Variants in MID1 observed in about 807,000 individuals in gnomAD.
MID1 encodes E3 ubiquitin-protein ligase Midline-1.
A neutral mutation model predicts 40.4 loss-of-function variants in MID1; 7 were observed. That is an observed-to-expected ratio of 0.17 (90% confidence interval 0.10 to 0.33). The LOEUF is 0.33. Ranked by LOEUF, MID1 falls within the 10% of genes least tolerant of loss-of-function variation. MID1 has a pLI of 1.00. For synonymous variants in MID1, 229 were observed against 221.2 expected (o/e 1.04, Z -0.31); for missense variants, 367 against 558.5 (o/e 0.66, Z 3.46).
chrX:10,777,635 G>A (rs1487032603), intron 1 of MID1, among the ~76,000 whole-genome samples: 1 of 107,971 alleles, frequency 9.3e-6, no homozygotes, highest in East Asian at 2.9e-4. Context: ...CCACCTCCCA[G>A]GTTCAAGTGA....
In MID1 at chrX:10,449,190, CTT is replaced by C. The variant is rs1928172243; in HGVS notation, c.*176_*177del. Reference sequence around the variant, plus strand: ...ATTAAAGAAATTATTAAAGCCCGTACTTAATACAAGACACAGTAAAAGGAGAG... The same window carrying C: ...ATTAAAGAAATTATTAAAGCCCGTACAATACAAGACACAGTAAAAGGAGAG... On this transcript the variant is annotated 3_prime_UTR_variant, in exon 10 of 10. Coordinates refer to ENST00000317552, the MANE Select transcript of MID1 (RefSeq NM_000381.4). 2.4e-6 allele frequency: 1 copy of C among 415,031 alleles called. No homozygotes were observed. Among genetic ancestry groups the C allele is most frequent in the Non-Finnish European group, 4.2e-6 (1 of 238,014 alleles). 34.2% of individuals were successfully genotyped at this position (415,031 alleles called of 1,213,427 possible). A position where few individuals can be genotyped will look rare whatever the true frequency, so the allele number is the denominator to read the frequency against.
At chrX:10,698,262 G>GAA (rs34047002) in intron 1 of MID1, among the ~76,000 whole-genome samples, 2 of 110,136 alleles carry the variant, frequency 1.8e-5, no homozygotes, top group Admixed American at 9.7e-5. Context: ...CAACCATCCA[G>GAA]AAAAAACAGA....
chrX:10,553,395 T>C (rs113303102), intron 2 of MID1, among the ~76,000 whole-genome samples: 6,629 of 111,501 alleles, frequency 0.059, 276 homozygotes, highest in African/African-American at 0.14. Flanking sequence ...TTCTGACTGA[T>C]TAGCGATCCT....
At chrX:10,484,809 G>A (rs760862673) in intron 4 of MID1, among the ~76,000 whole-genome samples, 1 of 111,708 alleles carries the variant, frequency 9.0e-6, no homozygotes, top group Non-Finnish European at 1.9e-5. Context: ...TGAATCATTA[G>A]GACAGTCAGG....
At chrX:10,625,204 G>A (rs1162490426), upstream of MID1, among the ~76,000 whole-genome samples, 2 of 111,678 alleles carry the variant, frequency 1.8e-5, no homozygotes. Context: ...GTAGACTTGA[G>A]GCAGAATTTC....
intron 4 of MID1, among the ~76,000 whole-genome samples, chrX:10,493,305 G>T (rs1467097793): frequency 9.0e-6 from 1 of 111,507 alleles, no homozygotes; most frequent in African/African-American, 3.3e-5. Flanking sequence ...AAGAATGCAG[G>T]CTACCTGTAA....
intron 1 of MID1, among the ~76,000 whole-genome samples, chrX:10,728,169 T>G (rs1189786153): frequency 9.0e-6 from 1 of 110,836 alleles, no homozygotes; most frequent in Non-Finnish European, 1.9e-5. Flanking sequence ...GGTGGATGGA[T>G]CTTTAAAACT....
chrX:10,533,404 AAAGAAAGAAAG>A (rs1569089979), intron 2 of MID1, among the ~76,000 whole-genome samples: 1 of 94,115 alleles, frequency 1.1e-5, no homozygotes. Flanking sequence ...AGAAAGAAAG[AAAGAAAGAAAG>A]AAAGAAAGAA....
rs1348452003 is a variant in MID1 at position 10,715,265 on chromosome X, G to C, written c.-186-94846C>G. 6.2e-5 allele frequency among the ~76,000 whole-genome samples: 7 copies of C among 112,506 alleles called. No individual in the cohort carries two copies. In the Admixed American group the frequency reaches 6.5e-4, roughly 11 times the overall value. ...GGCGAGGCATCACCTCACCCGGGAA[G>C]CGCAAGGGGTTGGGGAATTCCCTTT... On this transcript the variant is annotated intron_variant, in intron 1 of 10. Transcript: ENST00000380785.
At chrX:10,474,847 A>G (rs1339285505) in intron 5 of MID1, 97 bp from the exon 6 acceptor site, 1 of 972,886 alleles carries the variant, frequency 1.0e-6, no homozygotes, top group East Asian at 3.2e-5. Flanking sequence ...ATATCTCTTA[A>G]AAAGTGCTTT....
intron 3 of MID1, chrX:10,501,597 G>A (rs1358842032): frequency 1.9e-6 from 2 of 1,069,997 alleles, no homozygotes; most frequent in Admixed American, 5.4e-5. Flanking sequence ...ATAATGATGT[G>A]AATGTAGAAG....
At chrX:10,814,092 A>AT (rs974088585) in intron 1 of MID1, among the ~76,000 whole-genome samples, 1 of 111,530 alleles carries the variant, frequency 9.0e-6, no homozygotes, top group East Asian at 2.8e-4. Context: ...TCCTTCTAAA[A>AT]TTTTTTTCAA....
At chrX:10,578,263 C>T (rs181153282) in intron 1 of MID1, among the ~76,000 whole-genome samples, 2 of 112,766 alleles carry the variant, frequency 1.8e-5, no homozygotes, top group Non-Finnish European at 1.9e-5. Flanking sequence ...TCATTGTCCT[C>T]GGAAGAGACA....
At chrX:10,595,113 G>A (rs778519719) in intron 1 of MID1, among the ~76,000 whole-genome samples, 1 of 111,792 alleles carries the variant, frequency 8.9e-6, no homozygotes, top group Non-Finnish European at 1.9e-5. Flanking sequence ...AGGAAACTGA[G>A]ACACAGAGTT....
chrX:10,704,765 C>CACACAG (rs781699598), intron 1 of MID1, among the ~76,000 whole-genome samples: 1,028 of 91,412 alleles, frequency 0.011, 29 homozygotes, highest in African/African-American at 0.042. Flanking sequence ...CACACACACA[C>CACACAG]AGAGAGAGAG....
chrX:10,800,704 C>A (rs928633194), intron 1 of MID1, among the ~76,000 whole-genome samples: 33 of 111,789 alleles, frequency 3.0e-4, no homozygotes, highest in African/African-American at 1.0e-3. Context: ...AAACAATACA[C>A]GTGAACACAC....
intron 4 of MID1, among the ~76,000 whole-genome samples, chrX:10,489,113 A>G (rs1930785793): frequency 8.9e-6 from 1 of 111,860 alleles, no homozygotes; most frequent in Non-Finnish European, 1.9e-5. Flanking sequence ...AGTTTTGAGA[A>G]TTTGTTATAT....
rs529642315 is a variant in MID1 at position 10,453,583 on chromosome X, G to A, written c.1655+1287C>T. 7.1e-5 allele frequency among the ~76,000 whole-genome samples: 8 copies of A among 111,931 alleles called. No individual in the cohort carries two copies. The South Asian group carries it at 2.6e-3, about 37-fold the overall frequency. The stretch of plus-strand genomic sequence containing the variant: ...CGGGGAACAGCAAACTACTACCCAG[G>A]GGCCAACTCTGGCCCTCTGCCTGTT... On this transcript the variant is annotated intron_variant, in intron 9 of 9. Transcript: ENST00000317552.
chrX:10,534,104 G>C (rs1419725651), intron 2 of MID1, among the ~76,000 whole-genome samples: 1 of 110,421 alleles, frequency 9.1e-6, no homozygotes, highest in African/African-American at 3.3e-5. Context: ...TGATACTGAT[G>C]GATGTCATAC....
Sources: allele counts gnomAD v4.1 joint callset (sites outside exome capture counted in the v4.1 genomes callset), GRCh38; gene constraint gnomAD v4.1.1; transcripts MANE v1.5; gene names NCBI Gene and HGNC (gene_info 2026-07-23, HGNC 2026-07-21).